Variants in DLG2 observed in about 807,000 individuals in gnomAD.
DLG2 encodes the protein disks large homolog 2.
In DLG2, 45 loss-of-function variants were observed where a neutral mutation model predicts 132.5. The ratio of observed to expected loss-of-function variants is 0.34; its 90% CI spans 0.27 to 0.44. DLG2 has a LOEUF of 0.44. Ranked by LOEUF, DLG2 falls within the 20% of genes least tolerant of loss-of-function variation. The probability of loss-of-function intolerance (pLI) is 1.00; values close to 1 mark genes in which losing one functional copy is unlikely to be tolerated. For missense variants in DLG2, 1,045 were observed against 1,196.9 expected (o/e 0.87, Z 1.87); for synonymous variants, 424 against 419.6 (o/e 1.01, Z -0.13).
Position 84,856,239 on chromosome 11 carries a change from A to T in DLG2, c.357+255422T>A, listed in dbSNP as rs543226132. Reference sequence around the variant, plus strand: ...TATTTAAAGGGATGTCACATATTTCATCCTGTGAAAGTACGTTCATCAATG... The same window carrying T: ...TATTTAAAGGGATGTCACATATTTCTTCCTGTGAAAGTACGTTCATCAATG... On this transcript the variant is annotated intron_variant, in intron 6 of 27. Coordinates refer to ENST00000376104, the MANE Select transcript of DLG2 (RefSeq NM_001142699.3). Among the ~76,000 whole-genome samples, 6 of 152,246 alleles carry T rather than the reference A, an allele frequency of 3.9e-5. No individual in the cohort carries two copies. In the East Asian group the frequency reaches 1.2e-3, roughly 29 times the overall value.
intron 6 of DLG2, among the ~76,000 whole-genome samples, chr11:84,986,756 A>C (rs976563859): frequency 6.6e-6 from 1 of 152,312 alleles, no homozygotes; most frequent in African/African-American, 2.4e-5. Flanking sequence ...TACAAGGGAC[A>C]TATCTCAGTG....
chr11:85,362,437 G>A (rs1057291986), intron 3 of DLG2, among the ~76,000 whole-genome samples: 2 of 152,042 alleles, frequency 1.3e-5, no homozygotes, highest in Admixed American at 1.3e-4. Flanking sequence ...TGTATAGAAT[G>A]CTACTGATTT....
intron 14 of DLG2, among the ~76,000 whole-genome samples, chr11:83,953,893 T>C (rs1277722337): frequency 6.6e-6 from 1 of 152,166 alleles, no homozygotes; most frequent in African/African-American, 2.4e-5. Flanking sequence ...TCCAAAATTC[T>C]CCATTGCCTA....
chr11:83,955,973 T>C (rs2086720639), intron 14 of DLG2, among the ~76,000 whole-genome samples: 1 of 152,180 alleles, frequency 6.6e-6, no homozygotes, highest in Non-Finnish European at 1.5e-5. Context: ...TGGCCTATTG[T>C]GGGACCTCAC....
At chr11:84,806,870 TA>T (rs1317365255) in intron 6 of DLG2, among the ~76,000 whole-genome samples, 1 of 152,168 alleles carries the variant, frequency 6.6e-6, no homozygotes, top group African/African-American at 2.4e-5. Flanking sequence ...GTAGATGAAA[TA>T]TTTTTTAAAA....
At chr11:85,545,938 C>T (rs1022207310) in intron 3 of DLG2, among the ~76,000 whole-genome samples, 1 of 152,126 alleles carries the variant, frequency 6.6e-6, no homozygotes, top group Admixed American at 6.6e-5. Flanking sequence ...TTTCAAAAAA[C>T]CAGCTCCTGG....
At chr11:85,485,494 A>G (rs2093409744) in intron 3 of DLG2, among the ~76,000 whole-genome samples, 1 of 152,216 alleles carries the variant, frequency 6.6e-6, no homozygotes, top group African/African-American at 2.4e-5. Flanking sequence ...CAGAATAGTA[A>G]ATAAACACTT....
At chr11:83,744,602 C>A (rs1430906196) in intron 18 of DLG2, among the ~76,000 whole-genome samples, 1 of 152,164 alleles carries the variant, frequency 6.6e-6, no homozygotes, top group Non-Finnish European at 1.5e-5. Context: ...AGAAAACAGA[C>A]AATTTAGTCC....
chr11:83,664,564 T>C (rs1260338303), intron 18 of DLG2, among the ~76,000 whole-genome samples: 1 of 152,050 alleles, frequency 6.6e-6, no homozygotes, highest in East Asian at 1.9e-4. Context: ...ATGGATGGTT[T>C]GGAATTAAAT....
intron 6 of DLG2, among the ~76,000 whole-genome samples, chr11:84,884,096 A>G (rs756104448): frequency 2.0e-5 from 3 of 152,130 alleles, no homozygotes; most frequent in Non-Finnish European, 1.5e-5. Flanking sequence ...TATAAATTAA[A>G]GAGTGTTTTT....
At chr11:84,468,720 A>AG (rs1371808295) in intron 7 of DLG2, among the ~76,000 whole-genome samples, 1 of 151,632 alleles carries the variant, frequency 6.6e-6, no homozygotes, top group Non-Finnish European at 1.5e-5. Flanking sequence ...GGTAAAAAAA[A>AG]TCAAATTTAC....
chr11:84,645,692 C>T (rs892691555), intron 6 of DLG2, among the ~76,000 whole-genome samples: 2 of 152,182 alleles, frequency 1.3e-5, no homozygotes, highest in African/African-American at 4.8e-5. Context: ...TGGTCTCGAT[C>T]TCCTGACCTC....
intron 6 of DLG2, among the ~76,000 whole-genome samples, chr11:84,548,743 G>A (rs754426166): frequency 5.9e-5 from 9 of 152,028 alleles, no homozygotes; most frequent in East Asian, 1.9e-4. Context: ...ATAAACATAC[G>A]GAGACCACAC....
intron 6 of DLG2, among the ~76,000 whole-genome samples, chr11:85,082,585 G>A (rs529725870): frequency 3.9e-5 from 6 of 152,116 alleles, no homozygotes; most frequent in African/African-American, 1.2e-4. Context: ...AGAGTCATTA[G>A]AAGCCTTCTC....
chr11:85,534,831 T>G (rs918967709), intron 3 of DLG2, among the ~76,000 whole-genome samples: 12 of 152,238 alleles, frequency 7.9e-5, no homozygotes, highest in Non-Finnish European at 7.3e-5. Context: ...GTAAAATAAC[T>G]TATTTTCCCT....
intron 3 of DLG2, among the ~76,000 whole-genome samples, chr11:85,292,461 T>C (rs570553983): frequency 6.6e-6 from 1 of 151,626 alleles, no homozygotes; most frequent in South Asian, 2.1e-4. Flanking sequence ...AAAACAGGAA[T>C]GAGTGCAAAA....
At chr11:84,437,687 C>T (rs1173893531) in intron 7 of DLG2, 1 of 152,262 alleles carries the variant, frequency 6.6e-6, no homozygotes, top group Non-Finnish European at 1.5e-5. Flanking sequence ...TACATCCTGC[C>T]AGCAGGAGGT....
chr11:83,509,140 C>T (rs2094882761), intron 21 of DLG2, among the ~76,000 whole-genome samples: 1 of 152,192 alleles, frequency 6.6e-6, no homozygotes. Flanking sequence ...GACAAGAGTC[C>T]AATCCTGGTG....
At chr11:85,609,683 G>C (rs1216909885) in intron 2 of DLG2, among the ~76,000 whole-genome samples, 1 of 152,172 alleles carries the variant, frequency 6.6e-6, no homozygotes, top group East Asian at 1.9e-4. Flanking sequence ...CAACAGGACT[G>C]AGGGTGCCTG....
Sources: gnomAD v4.1 joint callset for allele counts (sites outside exome capture counted in the v4.1 genomes callset) on GRCh38, gnomAD v4.1.1 for gene constraint, MANE v1.5 for transcripts, NCBI Gene and HGNC (gene_info 2026-07-23, HGNC 2026-07-21) for gene names.